Variants in ENTREP2 observed in about 807,000 individuals in gnomAD.
ENTREP2 encodes the protein endosomal transmembrane epsin interactor 2.
At chr15:29,432,619 G>A in the ENTREP2 span, among the ~76,000 whole-genome samples, 4 of 152,188 alleles carry the variant, frequency 2.6e-5, no homozygotes, top group Admixed American at 6.5e-5. Flanking sequence ...GGGGGAATCC[G>A]GCTGCAGCTG....
chr15:29,173,593 AC>A, the ENTREP2 span, among the ~76,000 whole-genome samples: 1 of 152,160 alleles, frequency 6.6e-6, no homozygotes, highest in Non-Finnish European at 1.5e-5. Context: ...GTGCAGAGCC[AC>A]CCGTGATAGC....
chr15:29,310,977 A>G, the ENTREP2 span, among the ~76,000 whole-genome samples: 1 of 152,112 alleles, frequency 6.6e-6, no homozygotes, highest in South Asian at 2.1e-4. Flanking sequence ...GTGAAAATTC[A>G]AGATAATGGC....
At chr15:29,570,953 C>A in the ENTREP2 span, among the ~76,000 whole-genome samples, 1 of 144,992 alleles carries the variant, frequency 6.9e-6, no homozygotes, top group South Asian at 2.1e-4. Context: ...GCGCCGCCCG[C>A]CCGCCGGCCG....
chr15:29,587,438 T>C, the ENTREP2 span, among the ~76,000 whole-genome samples: 3 of 152,112 alleles, frequency 2.0e-5, no homozygotes, highest in African/African-American at 4.8e-5. Flanking sequence ...AAACAATTTT[T>C]TTCTGAGTGC....
the ENTREP2 span, among the ~76,000 whole-genome samples, chr15:29,303,150 T>C: frequency 6.6e-6 from 1 of 152,222 alleles, no homozygotes; most frequent in East Asian, 1.9e-4. Flanking sequence ...GGCCTGCCAC[T>C]TGAAATATGG....
the ENTREP2 span, among the ~76,000 whole-genome samples, chr15:29,603,461 TAGAAAC>T: frequency 6.6e-6 from 1 of 151,934 alleles, no homozygotes; most frequent in African/African-American, 2.4e-5. Context: ...GACGAGGTGA[TAGAAAC>T]AGAAAAGAAC....
the ENTREP2 span, among the ~76,000 whole-genome samples, chr15:29,574,480 G>C: frequency 6.6e-6 from 1 of 152,118 alleles, no homozygotes; most frequent in African/African-American, 2.4e-5. Context: ...TTTTAGTAGA[G>C]ACAAGGTTTC....
the ENTREP2 span, among the ~76,000 whole-genome samples, chr15:29,637,871 T>C: frequency 3.3e-5 from 5 of 152,212 alleles, no homozygotes; most frequent in South Asian, 1.0e-3. Flanking sequence ...CCAACGCTGG[T>C]CCATGAAAGC....
the ENTREP2 span, among the ~76,000 whole-genome samples, chr15:29,567,583 T>G: frequency 6.6e-6 from 1 of 152,162 alleles, no homozygotes; most frequent in Non-Finnish European, 1.5e-5. Flanking sequence ...AGGCTTTGGC[T>G]TGGAACAGAG....
chr15:29,605,885 G>A, the ENTREP2 span, among the ~76,000 whole-genome samples: 1 of 151,890 alleles, frequency 6.6e-6, no homozygotes, highest in South Asian at 2.1e-4. Context: ...TAAAATATAT[G>A]GCTTAATGAA....
At chr15:29,250,015 T>C in the ENTREP2 span, among the ~76,000 whole-genome samples, 2 of 152,114 alleles carry the variant, frequency 1.3e-5, no homozygotes, top group Non-Finnish European at 2.9e-5. Context: ...TAACCACTCA[T>C]GAGAATCTGC....
the ENTREP2 span, among the ~76,000 whole-genome samples, chr15:29,157,331 C>T: frequency 6.6e-6 from 1 of 152,172 alleles, no homozygotes; most frequent in African/African-American, 2.4e-5. Context: ...TGTCCTCATT[C>T]CCCTCTCCAG....
chr15:29,514,480 C>T, the ENTREP2 span, among the ~76,000 whole-genome samples: 1 of 152,176 alleles, frequency 6.6e-6, no homozygotes, highest in African/African-American at 2.4e-5. Context: ...TGGGTAGCTC[C>T]CACCTTTTGG....
the ENTREP2 span, among the ~76,000 whole-genome samples, chr15:29,460,608 G>A: frequency 6.6e-6 from 1 of 152,186 alleles, no homozygotes; most frequent in Non-Finnish European, 1.5e-5. Context: ...TCCAGCCTGG[G>A]CGACAGAGTG....
the ENTREP2 span, among the ~76,000 whole-genome samples, chr15:29,595,860 C>T: frequency 2.0e-5 from 3 of 152,184 alleles, no homozygotes; most frequent in Admixed American, 6.5e-5. Context: ...GGGGCTCTTT[C>T]AGTTGGCCTA....
chr15:29,511,030 G>A, the ENTREP2 span, among the ~76,000 whole-genome samples: 1 of 151,986 alleles, frequency 6.6e-6, no homozygotes, highest in South Asian at 2.1e-4. Flanking sequence ...TCACACACTG[G>A]GGCCTGTCGG....
chr15:29,654,870 T>C, the ENTREP2 span, among the ~76,000 whole-genome samples: 1,227 of 151,290 alleles, frequency 8.1e-3, 15 homozygotes, highest in African/African-American at 0.023. Context: ...TTACATAAAA[T>C]TCAAGGACAA....
At chr15:29,517,612 A>G in the ENTREP2 span, among the ~76,000 whole-genome samples, 4 of 152,292 alleles carry the variant, frequency 2.6e-5, no homozygotes, top group Middle Eastern at 3.4e-3. Flanking sequence ...TTGTTAAAGT[A>G]AATTTCAAAC....
At chr15:29,396,245 A>G in the ENTREP2 span, among the ~76,000 whole-genome samples, 2 of 151,954 alleles carry the variant, frequency 1.3e-5, no homozygotes, top group African/African-American at 2.4e-5. Context: ...ATACCCTTTG[A>G]CCAACATCTC....
Sources: gnomAD v4.1 joint callset for allele counts (sites outside exome capture counted in the v4.1 genomes callset) on GRCh38, gnomAD v4.1.1 for gene constraint, MANE v1.5 for transcripts, NCBI Gene and HGNC (gene_info 2026-07-23, HGNC 2026-07-21) for gene names.